Variants in NRG1 observed in about 807,000 individuals in gnomAD.
The protein encoded by NRG1 is neuregulin 1.
NRG1 carries 18 observed loss-of-function variants against 63.8 expected under a neutral mutation model. That is an observed-to-expected ratio of 0.28 (90% CI 0.19 to 0.42). The LOEUF (loss-of-function observed/expected upper bound fraction) is 0.42. Among genes scored for constraint, NRG1 ranks in the 10% least tolerant of loss-of-function variants. NRG1 has a pLI of 1.00. For synonymous variants in NRG1, 302 were observed against 301.3 expected, an observed-to-expected ratio of 1.00 and a Z score of -0.02; for missense variants, 762 against 814.7, an observed-to-expected ratio of 0.94 and a Z score of 0.79.
intron 1 of NRG1, among the ~76,000 whole-genome samples, chr8:31,716,173 C>T (rs1386139824): frequency 6.6e-6 from 1 of 152,096 alleles, no homozygotes; most frequent in Non-Finnish European, 1.5e-5. Flanking sequence ...AGAGATTGTC[C>T]TCTGGAGCAT....
At chr8:31,815,459 T>G (rs1823345494) in intron 1 of NRG1, among the ~76,000 whole-genome samples, 2 of 152,174 alleles carry the variant, frequency 1.3e-5, no homozygotes, top group African/African-American at 4.8e-5. Context: ...AATCATCCAT[T>G]TATAGATATA....
intron 1 of NRG1, among the ~76,000 whole-genome samples, chr8:31,859,639 G>A (rs781716556): frequency 2.0e-5 from 3 of 152,136 alleles, no homozygotes; most frequent in Non-Finnish European, 2.9e-5. Flanking sequence ...ACAAGGTGAG[G>A]GATATCTGCA....
At chr8:32,619,981 A>G (rs1848052132) in intron 5 of NRG1, among the ~76,000 whole-genome samples, 1 of 152,188 alleles carries the variant, frequency 6.6e-6, no homozygotes, top group South Asian at 2.1e-4. Flanking sequence ...CATGAAGCAC[A>G]CAGTCCATTT....
chr8:32,413,417 A>G (rs905567771), intron 1 of NRG1, among the ~76,000 whole-genome samples: 3 of 152,172 alleles, frequency 2.0e-5, no homozygotes, highest in Non-Finnish European at 4.4e-5. Flanking sequence ...AGACCCTGAA[A>G]TTACATTTTA....
At chr8:31,841,535 G>A (rs374360104) in intron 1 of NRG1, among the ~76,000 whole-genome samples, 1 of 152,080 alleles carries the variant, frequency 6.6e-6, no homozygotes, top group Non-Finnish European at 1.5e-5. Context: ...TTTAAAGTGT[G>A]CAATCCACAG....
intron 1 of NRG1, among the ~76,000 whole-genome samples, chr8:32,166,319 G>A (rs1839397169): frequency 1.3e-5 from 2 of 152,168 alleles, no homozygotes; most frequent in Middle Eastern, 3.4e-3. Flanking sequence ...TAGAATCCTG[G>A]GTTAGACAGT....
chr8:32,135,575 A>C (rs1393090525), intron 1 of NRG1, among the ~76,000 whole-genome samples: 1 of 152,128 alleles, frequency 6.6e-6, no homozygotes, highest in East Asian at 1.9e-4. Context: ...AGAGGCTGGC[A>C]TTTACTAAGA....
intron 1 of NRG1, among the ~76,000 whole-genome samples, chr8:32,211,547 C>T (rs1844702589): frequency 6.6e-6 from 1 of 152,132 alleles, no homozygotes; most frequent in African/African-American, 2.4e-5. Context: ...TTCTATGTCC[C>T]CTCACTCCAA....
intron 5 of NRG1, among the ~76,000 whole-genome samples, chr8:32,720,404 G>A (rs1820323613): frequency 6.6e-6 from 1 of 152,068 alleles, no homozygotes; most frequent in South Asian, 2.1e-4. Flanking sequence ...CAGTCAGATG[G>A]CCTGCTGATA....
rs529775984 is a variant in NRG1, at chr8:32,252,985, G to A, written c.38-342843G>A. Among the ~76,000 whole-genome samples the A allele has an allele frequency of 1.1e-3, 164 of 152,116 alleles. 1 individual carries two copies. The highest frequency in any genetic ancestry group is 3.7e-3 in the African/African-American group (154 of 41,490). ...GTGAATGGGAGTTCACTCATGATTT[G>A]GCTCTCTGTTTTTCTATTATTGATG... is the stretch of plus-strand genomic sequence containing the variant. On this transcript the variant is annotated intron_variant, in intron 1 of 10. Transcript: ENST00000519301.
chr8:32,736,808 A>AATTTAT (rs1825182287), intron 6 of NRG1, among the ~76,000 whole-genome samples: 1 of 152,144 alleles, frequency 6.6e-6, no homozygotes, highest in Non-Finnish European at 1.5e-5. Context: ...ATTGACCATA[A>AATTTAT]ATGTGTGGTT....
intron 1 of NRG1, among the ~76,000 whole-genome samples, chr8:31,989,144 G>A (rs916853422): frequency 4.6e-5 from 7 of 150,950 alleles, no homozygotes; most frequent in Non-Finnish European, 5.9e-5. Context: ...AGACTCAGGA[G>A]GCTGAGGCAG....
intron 1 of NRG1, among the ~76,000 whole-genome samples, chr8:31,698,159 G>T: frequency 6.6e-6 from 1 of 152,076 alleles, no homozygotes; most frequent in East Asian, 1.9e-4. Context: ...TACTGTCATA[G>T]AAAGGTATAA....
At chr8:32,688,496 C>T (rs1157341644) in intron 5 of NRG1, among the ~76,000 whole-genome samples, 1 of 152,204 alleles carries the variant, frequency 6.6e-6, no homozygotes, top group African/African-American at 2.4e-5. Flanking sequence ...ATCTTATGAT[C>T]AAATCATCAT....
intron 1 of NRG1, among the ~76,000 whole-genome samples, chr8:32,103,828 G>A (rs998437331): frequency 1.3e-5 from 2 of 152,122 alleles, no homozygotes; most frequent in African/African-American, 4.8e-5. Flanking sequence ...GATGAGGAGC[G>A]AGCAAAGGAG....
intron 1 of NRG1, among the ~76,000 whole-genome samples, chr8:32,211,090 G>A (rs1461365206): frequency 6.6e-6 from 1 of 151,972 alleles, no homozygotes; most frequent in African/African-American, 2.4e-5. Flanking sequence ...CTCTCTAATC[G>A]CATTTCTCAG....
intron 1 of NRG1, among the ~76,000 whole-genome samples, chr8:31,730,614 A>G (rs934130273): frequency 6.6e-6 from 1 of 152,200 alleles, no homozygotes; most frequent in African/African-American, 2.4e-5. Flanking sequence ...TATGCAAAAC[A>G]TAGAAGGATT....
At chr8:32,148,988 G>A (rs1004586898) in intron 1 of NRG1, among the ~76,000 whole-genome samples, 12 of 152,132 alleles carry the variant, frequency 7.9e-5, no homozygotes, top group African/African-American at 2.7e-4. Context: ...CTGCAGGAAC[G>A]TAATTAAGAA....
At chr8:32,136,944 G>T (rs1274901520) in intron 1 of NRG1, among the ~76,000 whole-genome samples, 2 of 152,052 alleles carry the variant, frequency 1.3e-5, no homozygotes, top group African/African-American at 4.8e-5. Flanking sequence ...CTTAATTAAT[G>T]AAACTAGTTC....
Sources: gnomAD v4.1 joint callset for allele counts (sites outside exome capture counted in the v4.1 genomes callset) on GRCh38, gnomAD v4.1.1 for gene constraint, MANE v1.5 for transcripts, NCBI Gene and HGNC (gene_info 2026-07-23, HGNC 2026-07-21) for gene names.